The following LMBR1L variants were observed in gnomAD, a reference collection of about 807,000 sequenced individuals.
The protein encoded by LMBR1L is protein LMBR1L.
Under a neutral mutation model 67.3 loss-of-function variants are expected in LMBR1L, and 47 were observed. The observed-to-expected ratio is 0.70, with a 90% confidence interval of 0.55 to 0.89. The LOEUF (loss-of-function observed/expected upper bound fraction) is 0.89, where lower values mean the gene tolerates loss of function less well. Ranked by LOEUF, LMBR1L falls within the 40% of genes least tolerant of loss-of-function variation. LMBR1L has a pLI of 0.00. For synonymous variants in LMBR1L, 247 were observed against 250.3 expected (o/e 0.99, Z 0.13); for missense variants, 533 against 599.2 (o/e 0.89, Z 1.15).
At chr12:49,107,592 A>T (rs555667944) in intron 1 of LMBR1L, among the ~76,000 whole-genome samples, 168 of 152,310 alleles carry the variant, frequency 1.1e-3, no homozygotes, top group African/African-American at 3.9e-3. Flanking sequence ...ATGCTTATTC[A>T]GGGGCCTGAA....
At chr12:49,106,031 T>G in intron 2 of LMBR1L, 74 bp from the exon 3 acceptor site, 1 of 1,289,766 alleles carries the variant, frequency 7.8e-7, no homozygotes. Flanking sequence ...AGTATTACAA[T>G]GTGCTCCCTG....
At chr12:49,104,398 C>A in intron 5 of LMBR1L, 50 bp downstream of exon 5, 7 of 1,285,448 alleles carry the variant, frequency 5.4e-6, no homozygotes, top group Non-Finnish European at 7.9e-6. Context: ...TTCAGCTGAA[C>A]CATGTGTGTG....
In LMBR1L at chr12:49,102,889, G is replaced by C. The variant is rs1003285177; in HGVS notation, c.694C>G (p.Arg232Gly). Residue 232 changes from arginine (R) to glycine (G), a missense_variant and splice_region_variant, in exon 8 of 17, where the codon CGG (arginine) becomes GGG (glycine). Arg to Gly is a moderately radical substitution (Grantham distance 125). Coordinates refer to ENST00000267102, the MANE Select transcript of LMBR1L (RefSeq NM_018113.4). Reference protein sequence around the residue: ...SVTGKLLVKPRLLEDLEEQLY... With the variant: ...SVTGKLLVKPGLLEDLEEQLY... ...AAAGAGCAAGGAATACCACATACCC[G>C]GGGCTTGACTAGCAGCTTCCCAGTG... is the stretch of plus-strand genomic sequence containing the variant. 6.2e-7 allele frequency: 1 copy of C among 1,613,950 alleles called. No homozygotes were observed. Among genetic ancestry groups the C allele is most frequent in the Non-Finnish European group, 8.5e-7 (1 of 1,179,866 alleles).
chr12:49,105,145 C>T, intron 3 of LMBR1L: 1 of 474,460 alleles, frequency 2.1e-6, no homozygotes. Context: ...TGTCACATAC[C>T]CAGGCTGTCC....
At chr12:49,102,641 C>T in intron 8 of LMBR1L, 101 bp from the exon 9 acceptor site, 1 of 1,228,402 alleles carries the variant, frequency 8.1e-7, no homozygotes, top group Non-Finnish European at 1.2e-6. Context: ...TCCCAGGCTT[C>T]CCCCAGACCC....
intron 1 of LMBR1L, among the ~76,000 whole-genome samples, chr12:49,108,893 G>A (rs1195746586): frequency 1.3e-5 from 2 of 152,180 alleles, no homozygotes; most frequent in African/African-American, 4.8e-5. Flanking sequence ...TCTGTACAAG[G>A]AGGGAAGAAT....
chr12:49,104,015 T>C (rs567074920), intron 5 of LMBR1L: 1 of 560,808 alleles, frequency 1.8e-6, no homozygotes, highest in South Asian at 2.4e-5. Flanking sequence ...TTCATTTGCA[T>C]CTCCTTTCCC....
Position 49,100,454 on chromosome 12 carries a change from T to A in LMBR1L, c.1174A>T (p.Ile392Leu), listed in dbSNP as rs770839198. The A allele has an allele frequency of 3.7e-6, 6 of 1,613,790 alleles. No homozygotes were observed. Among genetic ancestry groups the A allele is most frequent in the Non-Finnish European group, 4.2e-6 (5 of 1,179,624 alleles). Reference sequence around the variant, plus strand: ...AGGAGACAGACACAGTTCCCAATTATCTGGGTGGAAGCAGGGAAAGGAGAG... The same window carrying A: ...AGGAGACAGACACAGTTCCCAATTAACTGGGTGGAAGCAGGGAAAGGAGAG... The part of the protein sequence containing the change: ...PRWHDTAMTQ[I>L]IGNCVCLLVL... Residue 392 changes from isoleucine to leucine, a missense_variant and splice_region_variant, in exon 15 of 17, where the codon ATA becomes TTA. Transcript: ENST00000267102.
At position 49,098,199 on chromosome 12, in the gene LMBR1L, A is replaced by G. The variant is rs897244280; in HGVS notation, c.1241-94T>C. On this transcript the variant is annotated intron_variant, in intron 15 of 16. Coordinates refer to ENST00000267102, the MANE Select transcript of LMBR1L (RefSeq NM_018113.4). Reference sequence around the variant, plus strand: ...GCTGCCTCCTGGTGGCCACATTTCAACACTGCAACTGATAGGTTGGCCTCT... The same window carrying G: ...GCTGCCTCCTGGTGGCCACATTTCAGCACTGCAACTGATAGGTTGGCCTCT... 2.3e-6 allele frequency: 3 copies of G among 1,315,398 alleles called. No homozygotes were observed. The Admixed American group carries it at 5.8e-5, about 25-fold the overall frequency. The allele number at this position is 1,315,398 out of a possible 1,614,324, so 81.5% of individuals were successfully genotyped here.
chr12:49,109,915 G>T (rs1183177493), intron 1 of LMBR1L: 1 of 403,556 alleles, frequency 2.5e-6, no homozygotes, highest in East Asian at 7.3e-5. Context: ...CAATGAGAAA[G>T]AAAAAAGACG....
chr12:49,099,982 C>T (rs1310885492), intron 15 of LMBR1L, among the ~76,000 whole-genome samples: 2 of 152,162 alleles, frequency 1.3e-5, no homozygotes, highest in African/African-American at 4.8e-5. Flanking sequence ...AAAGCACTAG[C>T]CTGGGGTTCA....
chr12:49,104,962 G>A, intron 3 of LMBR1L, 77 bp from the exon 4 acceptor site: 2 of 1,493,350 alleles, frequency 1.3e-6, no homozygotes, highest in Admixed American at 4.0e-5. Flanking sequence ...CATTTGTCCT[G>A]AGGGCGCCTG....
At chr12:49,100,718 C>A in intron 13 of LMBR1L, 72 bp from the exon 14 acceptor site, 2 of 1,129,084 alleles carry the variant, frequency 1.8e-6, no homozygotes, top group Non-Finnish European at 1.3e-6. Flanking sequence ...ACAGAGCTCT[C>A]TCCCAGCCCA....
chr12:49,106,791 A>T (rs1179244392), intron 2 of LMBR1L, 170 bp downstream of exon 2: 1 of 831,724 alleles, frequency 1.2e-6, no homozygotes, highest in East Asian at 2.6e-5. Flanking sequence ...AGACACATCC[A>T]TCTAGCCGCC....
Position 49,102,150 on chromosome 12 carries a change from G to T in LMBR1L, c.900C>A (p.Pro300=), listed in dbSNP as rs529033705. 7 of 1,614,166 alleles carry T rather than the reference G, an allele frequency of 4.3e-6. No individual in the cohort carries two copies. In the Admixed American group the frequency reaches 1.2e-4, roughly 27 times the overall value. The part of the protein sequence containing the change: ...ASAWQRNLGY[P]LAMLCLLVLT... ...GCACCAGCAAGCACAGCATAGCCAG[G>T]GGGTAGCCCAGGTTCCGTTGCCAGG... Residue 300 remains proline, a synonymous_variant, in exon 11 of 17, where the codon CCC becomes CCA. Coordinates refer to ENST00000267102, the MANE Select transcript of LMBR1L (RefSeq NM_018113.4).
intron 6 of LMBR1L, 137 bp from the exon 7 acceptor site, chr12:49,103,296 G>A: frequency 1.4e-6 from 1 of 737,178 alleles, no homozygotes; most frequent in African/African-American, 1.8e-5. Flanking sequence ...AAGCTGGCCA[G>A]CATTAGCAGA....
chr12:49,104,982 G>A (rs1229485320), intron 3 of LMBR1L, 97 bp from the exon 4 acceptor site: 6 of 1,340,076 alleles, frequency 4.5e-6, no homozygotes, highest in Non-Finnish European at 6.2e-6. Flanking sequence ...GTGGCTTCCA[G>A]AACCAGCTGT....
intron 11 of LMBR1L, chr12:49,101,789 C>T: frequency 1.7e-6 from 1 of 579,710 alleles, no homozygotes; most frequent in Non-Finnish European, 3.1e-6. Context: ...AGGCATCTCT[C>T]TTCCTTCAAC....
intron 15 of LMBR1L, among the ~76,000 whole-genome samples, 184 bp from the exon 16 acceptor site, chr12:49,098,289 G>A (rs1203157873): frequency 6.6e-6 from 1 of 152,174 alleles, no homozygotes; most frequent in Non-Finnish European, 1.5e-5. Flanking sequence ...CAGCAGCTAG[G>A]CTTGCTTCAA....
Sources: allele counts gnomAD v4.1 joint callset (sites outside exome capture counted in the v4.1 genomes callset), GRCh38; gene constraint gnomAD v4.1.1; transcripts MANE v1.5; gene names NCBI Gene and HGNC (gene_info 2026-07-23, HGNC 2026-07-21).